Variants in VANGL1 observed in about 807,000 individuals in gnomAD.
VANGL1 encodes vang-like protein 1.
VANGL1 carries 18 observed loss-of-function variants against 48.4 expected under a neutral mutation model. The ratio of observed to expected loss-of-function variants is 0.37; its 90% CI spans 0.26 to 0.55. VANGL1 has a LOEUF of 0.55. Among genes scored for constraint, VANGL1 ranks in the 20% least tolerant of loss-of-function variants. VANGL1 has a pLI of 0.81. For missense variants in VANGL1, 667 were observed against 675.8 expected (o/e 0.99, Z 0.14); for synonymous variants, 257 against 261.8 (o/e 0.98, Z 0.18).
intron 2 of VANGL1, 24 bp downstream of exon 2, chr1:115,651,508 A>G: frequency 1.9e-6 from 3 of 1,609,116 alleles, no homozygotes; most frequent in Non-Finnish European, 2.6e-6. Flanking sequence ...TCATTATTAC[A>G]CTTTTCCTTT....
At chr1:115,645,603 C>T (rs926216694) in intron 1 of VANGL1, among the ~76,000 whole-genome samples, 1 of 152,184 alleles carries the variant, frequency 6.6e-6, no homozygotes, top group Non-Finnish European at 1.5e-5. Flanking sequence ...AATTTGGGCT[C>T]ATTGCTACTC....
chr1:115,642,520 C>T (rs1570729962), intron 1 of VANGL1: 1 of 152,414 alleles, frequency 6.6e-6, no homozygotes, highest in Non-Finnish European at 1.5e-5. Context: ...AGCAGCCGTG[C>T]AGGGCGGGAG....
chr1:115,670,717 A>G (rs1652944297), intron 4 of VANGL1, among the ~76,000 whole-genome samples: 1 of 152,180 alleles, frequency 6.6e-6, no homozygotes, highest in African/African-American at 2.4e-5. Flanking sequence ...AATGACCATC[A>G]GTGGTTTTGG....
intron 1 of VANGL1, among the ~76,000 whole-genome samples, chr1:115,646,781 C>A (rs1281904365): frequency 2.0e-5 from 3 of 152,082 alleles, no homozygotes; most frequent in African/African-American, 4.8e-5. Flanking sequence ...TAAGTGATCA[C>A]ACAAACAAAT....
chr1:115,644,233 G>T (rs1651833517), intron 1 of VANGL1, among the ~76,000 whole-genome samples: 1 of 152,164 alleles, frequency 6.6e-6, no homozygotes, highest in African/African-American at 2.4e-5. Context: ...TGGCAGTCTG[G>T]TTTCCCTAAC....
chr1:115,654,562 A>C (rs1652275988), intron 2 of VANGL1, among the ~76,000 whole-genome samples: 1 of 151,932 alleles, frequency 6.6e-6, no homozygotes, highest in African/African-American at 2.4e-5. Flanking sequence ...TTTCATAACT[A>C]AATCTGATCA....
chr1:115,660,334 A>G (rs761225870), intron 3 of VANGL1, among the ~76,000 whole-genome samples: 1 of 152,222 alleles, frequency 6.6e-6, no homozygotes, highest in Non-Finnish European at 1.5e-5. Context: ...GAAGGAGCCT[A>G]TGGCTAACTG....
At chr1:115,685,843 A>G (rs1470499919) in intron 7 of VANGL1, among the ~76,000 whole-genome samples, 1 of 152,120 alleles carries the variant, frequency 6.6e-6, no homozygotes, top group African/African-American at 2.4e-5. Flanking sequence ...GATTCATTCT[A>G]ACCTGGCTCC....
At chr1:115,657,595 C>T (rs1416576100) in intron 2 of VANGL1, among the ~76,000 whole-genome samples, 1 of 148,186 alleles carries the variant, frequency 6.7e-6, no homozygotes, top group East Asian at 1.9e-4. Flanking sequence ...GGGTAAACAA[C>T]CAAATTTTCT....
At chr1:115,650,521 C>T (rs1232485573) in intron 1 of VANGL1, among the ~76,000 whole-genome samples, 1 of 152,098 alleles carries the variant, frequency 6.6e-6, no homozygotes, top group African/African-American at 2.4e-5. Context: ...AAATCTTTGT[C>T]CTTACATAAG....
At chr1:115,667,906 G>A (rs1652848312) in intron 4 of VANGL1, among the ~76,000 whole-genome samples, 1 of 152,258 alleles carries the variant, frequency 6.6e-6, no homozygotes, top group Non-Finnish European at 1.5e-5. Context: ...AGGCACTAGT[G>A]TAATTGACTG....
intron 2 of VANGL1, among the ~76,000 whole-genome samples, chr1:115,655,818 A>G (rs1652323201): frequency 6.6e-6 from 1 of 152,138 alleles, no homozygotes; most frequent in African/African-American, 2.4e-5. Flanking sequence ...TGGCATCTGG[A>G]ACTACAGGGA....
At chr1:115,643,679 C>T (rs1651816636) in intron 1 of VANGL1, among the ~76,000 whole-genome samples, 1 of 152,180 alleles carries the variant, frequency 6.6e-6, no homozygotes, top group African/African-American at 2.4e-5. Flanking sequence ...TTTGTAAGGA[C>T]TGCTTGCCAA....
intron 4 of VANGL1, chr1:115,671,288 G>C (rs10923153): frequency 6.6e-6 from 1 of 152,200 alleles, no homozygotes; most frequent in African/African-American, 2.4e-5. Context: ...ACCACAAGTG[G>C]CTGGGTGTGA....
chr1:115,667,166 G>T (rs1189659890), intron 4 of VANGL1, among the ~76,000 whole-genome samples: 1 of 152,202 alleles, frequency 6.6e-6, no homozygotes, highest in Non-Finnish European at 1.5e-5. Context: ...TTGGGCTTAG[G>T]TGCCAAGCGA....
At chr1:115,662,019 T>C (rs1652576729) in intron 3 of VANGL1, among the ~76,000 whole-genome samples, 2 of 152,188 alleles carry the variant, frequency 1.3e-5, no homozygotes, top group African/African-American at 2.4e-5. Context: ...GCCAGAGTGG[T>C]TTTCCAGAGG....
intron 3 of VANGL1, among the ~76,000 whole-genome samples, chr1:115,661,268 G>A (rs1652535868): frequency 6.6e-6 from 1 of 152,074 alleles, no homozygotes. Context: ...AGGATCCTTT[G>A]TGTATCTACA....
chr1:115,669,954 C>A (rs1374607198), intron 4 of VANGL1, among the ~76,000 whole-genome samples: 1 of 152,162 alleles, frequency 6.6e-6, no homozygotes, highest in Admixed American at 6.5e-5. Context: ...GTGGTCCCCC[C>A]AAATTCATAT....
chr1:115,672,775 T>C (rs1455238326), intron 4 of VANGL1, among the ~76,000 whole-genome samples: 1 of 152,174 alleles, frequency 6.6e-6, no homozygotes, highest in Non-Finnish European at 1.5e-5. Context: ...CCAGGAGATA[T>C]AAACACTCAT....
Sources: gnomAD v4.1 joint callset for allele counts (sites outside exome capture counted in the v4.1 genomes callset) on GRCh38, gnomAD v4.1.1 for gene constraint, MANE v1.5 for transcripts, NCBI Gene and HGNC (gene_info 2026-07-23, HGNC 2026-07-21) for gene names.